HIRA: variants seen among roughly 807,000 people sequenced by gnomAD.
HIRA encodes histone cell cycle regulator.
Under a neutral mutation model 126.6 loss-of-function variants are expected in HIRA, and 13 were observed. The observed-to-expected ratio is 0.10, with a 90% CI of 0.07 to 0.16. The LOEUF (loss-of-function observed/expected upper bound fraction) is 0.16, where lower values mean the gene tolerates loss of function less well. Ranked by LOEUF, HIRA falls within the 10% of genes least tolerant of loss-of-function variation. The pLI, the probability that HIRA is intolerant of heterozygous loss-of-function variation, is 1.00. For synonymous variants in HIRA, 511 were observed against 520.0 expected, an observed-to-expected ratio of 0.98 and a Z score of 0.24; for missense variants, 834 against 1,314.4, an observed-to-expected ratio of 0.63 and a Z score of 5.65.
At position 19,359,362 on chromosome 22, in the gene HIRA, G is replaced by T. The variant is rs752377093; in HGVS notation, c.2208C>A (p.Ser736Arg). The T allele has an allele frequency of 6.2e-7, 1 of 1,601,324 alleles. No individual in the cohort carries two copies. The highest frequency in any genetic ancestry group is 1.1e-5 in the South Asian group (1 of 88,738). The change falls in exon 18 of 25, where the codon AGC becomes AGA. Residue 736 changes from serine to arginine, a missense_variant. Coordinates refer to ENST00000263208, the MANE Select transcript of HIRA (RefSeq NM_003325.4). Reference sequence around the variant, plus strand: ...AGCTGCCCGCAGCAGTGAGGATCCGGCTGGTGAGTACCGTCTCCCACTCCT... The same window carrying T: ...AGCTGCCCGCAGCAGTGAGGATCCGTCTGGTGAGTACCGTCTCCCACTCCT... ...EGKEWETVLTSRILTAAGSCD... is the reference protein window; with the variant it reads ...EGKEWETVLTRRILTAAGSCD...
chr22:19,355,766 G>T lies in HIRA; in HGVS notation c.2555C>A (p.Ser852Tyr), dbSNP rs955467536. 1 of 1,611,018 alleles carries T rather than the reference G, an allele frequency of 6.2e-7. No homozygotes were observed. The highest frequency in any genetic ancestry group is 1.1e-5 in the South Asian group (1 of 90,994). Residue 852 changes from serine to tyrosine, a missense_variant, in exon 21 of 25, where the codon TCC becomes TAC. Physicochemically the swap from Ser to Tyr is moderately radical, Grantham distance 144. Coordinates refer to ENST00000263208, the MANE Select transcript of HIRA (RefSeq NM_003325.4). ...GKAYCFNPSLSTWNLVSDKQD... is the reference protein window; with the variant it reads ...GKAYCFNPSLYTWNLVSDKQD... ...TGGGGGTCAGCTTGCTTACCATGTG[G>T]AAAGTGACGGATTAAAGCAGTACGC... is the stretch of plus-strand genomic sequence containing the variant.
rs2089238374 is a variant in HIRA at position 19,398,153 on chromosome 22, C to G, written c.398-66G>C. On this transcript the variant is annotated intron_variant, in intron 5 of 24. Transcript: ENST00000263208. ...GTGATGCCCTTGTCTATTAGCTTGG[C>G]CAGTGCCCCTGGGACCTGGGACCAT... The G allele has an allele frequency of 7.9e-6, 10 of 1,257,884 alleles. No individual in the cohort carries two copies. In the Admixed American group the frequency reaches 1.8e-4, roughly 23 times the overall value. The allele number at this position is 1,257,884 out of a possible 1,614,324, so 77.9% of individuals were successfully genotyped here.
chr22:19,353,330 C>T, intron 23 of HIRA, 26 bp downstream of exon 23: 1 of 1,612,010 alleles, frequency 6.2e-7, no homozygotes, highest in Non-Finnish European at 8.5e-7. Context: ...AAGGAGAAGG[C>T]TGCTCAGGGC....
At chr22:19,429,326 C>CG (rs1299002925) in intron 1 of HIRA, among the ~76,000 whole-genome samples, 6 of 151,792 alleles carry the variant, frequency 4.0e-5, no homozygotes, top group Non-Finnish European at 8.8e-5. Flanking sequence ...TTAGTAGAGA[C>CG]GGGGTTTCAC....
intron 15 of HIRA, among the ~76,000 whole-genome samples, chr22:19,363,421 A>AAT (rs1319547012): frequency 6.6e-6 from 1 of 152,184 alleles, no homozygotes; most frequent in Non-Finnish European, 1.5e-5. Context: ...AGCCTGGGCA[A>AAT]AATAATGAGA....
At chr22:19,363,188 C>T (rs1442007887) in intron 15 of HIRA, among the ~76,000 whole-genome samples, 9 of 149,424 alleles carry the variant, frequency 6.0e-5, no homozygotes, top group South Asian at 4.3e-4. Flanking sequence ...GAGTCAAGAT[C>T]GTGCCACTGC....
At chr22:19,369,406 G>C (rs1180614279) in intron 15 of HIRA, among the ~76,000 whole-genome samples, 1 of 152,204 alleles carries the variant, frequency 6.6e-6, no homozygotes, top group Non-Finnish European at 1.5e-5. Flanking sequence ...TGCTCACCGT[G>C]AGGCAAGGAC....
chr22:19,425,549 G>T (rs1236803183), intron 1 of HIRA, among the ~76,000 whole-genome samples: 1 of 152,272 alleles, frequency 6.6e-6, no homozygotes, highest in Middle Eastern at 3.4e-3. Flanking sequence ...CTCCTCAGAA[G>T]TCCCTCCCAG....
intron 13 of HIRA, among the ~76,000 whole-genome samples, chr22:19,380,808 G>A (rs1199161645): frequency 6.6e-6 from 1 of 152,112 alleles, no homozygotes; most frequent in Non-Finnish European, 1.5e-5. Flanking sequence ...ATTTTTAGTA[G>A]GGACGGGGTT....
At chr22:19,388,421 C>T in intron 10 of HIRA, 63 bp downstream of exon 10, 1 of 1,337,236 alleles carries the variant, frequency 7.5e-7, no homozygotes, top group Middle Eastern at 1.8e-4. Context: ...CCCAGAAGGC[C>T]TCATGTTCCA....
Position 19,351,305 on chromosome 22 carries a change from A to C in HIRA, c.2937+53T>G. The C allele has an allele frequency of 6.4e-7, 1 of 1,573,376 alleles. No individual in the cohort carries two copies. The highest frequency in any genetic ancestry group is 8.6e-7 in the Non-Finnish European group (1 of 1,163,568). On this transcript the variant is annotated intron_variant, in intron 24 of 24. Transcript: ENST00000263208. This position sits in a 1 kb window ranked among gnomAD's most constrained non-coding sequence, Gnocchi z 4.8. ...ACTTTGGCTTATTTAAAAAATCTCC[A>C]CCTTCATGTTTCAAGAAAGAATTCT... is the stretch of plus-strand genomic sequence containing the variant.
intron 17 of HIRA, among the ~76,000 whole-genome samples, chr22:19,360,397 C>A (rs1467851444): frequency 6.6e-6 from 1 of 152,234 alleles, no homozygotes; most frequent in Non-Finnish European, 1.5e-5. Flanking sequence ...GCCCCTGCCT[C>A]CGTTCACACC....
intron 24 of HIRA, among the ~76,000 whole-genome samples, chr22:19,343,830 G>A (rs1339040582): frequency 6.6e-6 from 1 of 151,658 alleles, no homozygotes; most frequent in Admixed American, 6.6e-5. Context: ...GGGAGGCAGA[G>A]GCAGGAGGAT....
At chr22:19,358,463 T>G (rs782265879) in intron 18 of HIRA, among the ~76,000 whole-genome samples, 1 of 152,180 alleles carries the variant, frequency 6.6e-6, no homozygotes, top group Non-Finnish European at 1.5e-5. Flanking sequence ...GCAAGCCACC[T>G]GCCTTGAGGG....
intron 5 of HIRA, among the ~76,000 whole-genome samples, chr22:19,399,353 G>GTT (rs76880124): frequency 8.7e-5 from 12 of 138,612 alleles, no homozygotes; most frequent in East Asian, 8.3e-4. Flanking sequence ...AGCTTAACAG[G>GTT]TTTTTTTTTT....
At chr22:19,373,931 C>CTTTTTTTTTTTTTTTTTT (rs1254884863) in intron 15 of HIRA, among the ~76,000 whole-genome samples, 1 of 149,788 alleles carries the variant, frequency 6.7e-6, no homozygotes. Context: ...ACTGCTCTGG[C>CTTTTTTTTTTTTTTTTTT]TTTTTTGTTC....
At chr22:19,395,328 T>C (rs2106145) in intron 7 of HIRA, among the ~76,000 whole-genome samples, 102,578 of 151,802 alleles carry the variant, frequency 0.68, 34,942 homozygotes, top group South Asian at 0.77. Context: ...TCAGCCTAGG[T>C]GACAGAACCA....
intron 15 of HIRA, among the ~76,000 whole-genome samples, chr22:19,370,243 CTGTTT>C (rs913290914): frequency 6.6e-6 from 1 of 152,072 alleles, no homozygotes; most frequent in Non-Finnish European, 1.5e-5. Flanking sequence ...CACGCCTGGC[CTGTTT>C]TGTTTTTATT....
chr22:19,367,046 A>G (rs1047031102), intron 15 of HIRA, among the ~76,000 whole-genome samples: 1 of 152,188 alleles, frequency 6.6e-6, no homozygotes, highest in Admixed American at 6.5e-5. Flanking sequence ...TACAGGTGTG[A>G]GCCACTGCAC....
Sources: gnomAD v4.1 joint callset for allele counts (sites outside exome capture counted in the v4.1 genomes callset) on GRCh38, gnomAD v4.1.1 for gene constraint, Gnocchi (gnomAD v3.1) non-coding constraint, MANE v1.5 for transcripts, NCBI Gene and HGNC (gene_info 2026-07-23, HGNC 2026-07-21) for gene names.